RAPGEF4: variants seen among roughly 807,000 people sequenced by gnomAD.
RAPGEF4 encodes RAP guanine-nucleotide-exchange factor (GEF) 4.
Under a neutral mutation model 147.9 loss-of-function variants are expected in RAPGEF4, and 66 were observed. That is an observed-to-expected ratio of 0.45 (90% CI 0.37 to 0.55). The LOEUF (loss-of-function observed/expected upper bound fraction) is 0.55, where lower values mean the gene tolerates loss of function less well. RAPGEF4 is among the 20% of genes least tolerant of loss of function. The pLI is 0.00. For synonymous variants in RAPGEF4, 419 were observed against 442.7 expected (o/e 0.95, Z 0.67); for missense variants, 1,071 against 1,257.3 (o/e 0.85, Z 2.24).
At chr2:172,872,809 A>G (rs903898222) in intron 4 of RAPGEF4, among the ~76,000 whole-genome samples, 1 of 152,052 alleles carries the variant, frequency 6.6e-6, no homozygotes, top group Non-Finnish European at 1.5e-5. Context: ...TATTTTCTTC[A>G]TAAATTACCC....
chr2:172,853,161 T>C (rs12478288), intron 4 of RAPGEF4, among the ~76,000 whole-genome samples: 4 of 151,896 alleles, frequency 2.6e-5, no homozygotes, highest in Admixed American at 2.6e-4. Context: ...CATAAAATGG[T>C]TGGGGATTGT....
At chr2:172,948,174 G>A (rs1687869555) in intron 6 of RAPGEF4, among the ~76,000 whole-genome samples, 2 of 152,096 alleles carry the variant, frequency 1.3e-5, no homozygotes, top group Non-Finnish European at 2.9e-5. Flanking sequence ...GTTGGTGGTG[G>A]GCTATGGTGA....
chr2:172,805,731 G>A (rs1687429622), intron 3 of RAPGEF4, among the ~76,000 whole-genome samples: 1 of 152,068 alleles, frequency 6.6e-6, no homozygotes, highest in Admixed American at 6.5e-5. Context: ...TCTTGCCTGA[G>A]CCTAACCAGG....
intron 17 of RAPGEF4, among the ~76,000 whole-genome samples, chr2:173,012,285 G>A (rs3820841): frequency 0.057 from 8,628 of 152,130 alleles, 339 homozygotes; most frequent in East Asian, 0.1. Flanking sequence ...TCTAGGGAGC[G>A]AGCCCAGCCT....
At chr2:173,044,061 A>T (rs535510373) in intron 29 of RAPGEF4, among the ~76,000 whole-genome samples, 48 of 152,316 alleles carry the variant, frequency 3.2e-4, no homozygotes, top group African/African-American at 9.9e-4. Context: ...AGTGCTCTGT[A>T]GACCGAGCAG....
Position 172,909,175 on chromosome 2 carries a change from G to A in RAPGEF4, c.445-8627G>A, listed in dbSNP as rs900712444. ...CACAAGCCACCCACCTCTCGGAAGGGCCTTGTAGAAGCTTCTCTGGACATG... is the reference window on the plus strand; with the variant it reads ...CACAAGCCACCCACCTCTCGGAAGGACCTTGTAGAAGCTTCTCTGGACATG... On this transcript the variant is annotated intron_variant, in intron 4 of 30. Coordinates refer to ENST00000397081, the MANE Select transcript of RAPGEF4 (RefSeq NM_007023.4). 4.6e-5 allele frequency among the ~76,000 whole-genome samples: 7 copies of A among 152,248 alleles called. No individual in the cohort carries two copies. The South Asian group carries it at 1.4e-3, about 32-fold the overall frequency.
intron 6 of RAPGEF4, among the ~76,000 whole-genome samples, chr2:172,941,785 A>C (rs1458940203): frequency 6.6e-6 from 1 of 152,160 alleles, no homozygotes; most frequent in African/African-American, 2.4e-5. Context: ...AGTTACTTAA[A>C]CTAAGACTCA....
chr2:172,854,903 T>C (rs1181282978), intron 4 of RAPGEF4, among the ~76,000 whole-genome samples: 1 of 152,158 alleles, frequency 6.6e-6, no homozygotes, highest in Non-Finnish European at 1.5e-5. Flanking sequence ...GCAAGCCCGA[T>C]GGAGAGTATT....
At chr2:172,938,462 G>T (rs1320960612) in intron 6 of RAPGEF4, among the ~76,000 whole-genome samples, 1 of 152,090 alleles carries the variant, frequency 6.6e-6, no homozygotes, top group Non-Finnish European at 1.5e-5. Flanking sequence ...GTTTGCCTGG[G>T]CCCCCATGGG....
At chr2:172,852,303 G>T (rs1244477168) in intron 4 of RAPGEF4, among the ~76,000 whole-genome samples, 2 of 152,064 alleles carry the variant, frequency 1.3e-5, no homozygotes. Flanking sequence ...ATTCTTTCAG[G>T]TTATCTTCCT....
At chr2:173,037,420 C>T (rs1041659997) in intron 29 of RAPGEF4, among the ~76,000 whole-genome samples, 13 of 152,122 alleles carry the variant, frequency 8.5e-5, no homozygotes, top group African/African-American at 3.1e-4. Flanking sequence ...GTGGAACTGG[C>T]ACATATTCAG....
intron 1 of RAPGEF4, among the ~76,000 whole-genome samples, chr2:172,757,607 G>C (rs112225002): frequency 4.6e-5 from 7 of 152,286 alleles, no homozygotes; most frequent in African/African-American, 1.7e-4. Flanking sequence ...TATTGGAGCT[G>C]TATGTATAAT....
At chr2:172,833,693 G>A (rs549639985) in intron 4 of RAPGEF4, among the ~76,000 whole-genome samples, 11 of 152,206 alleles carry the variant, frequency 7.2e-5, no homozygotes, top group Admixed American at 1.3e-4. Flanking sequence ...TTTGCCATAC[G>A]CATTAAAATA....
At chr2:172,822,778 C>A (rs1233351075) in intron 4 of RAPGEF4, among the ~76,000 whole-genome samples, 4 of 152,208 alleles carry the variant, frequency 2.6e-5, no homozygotes, top group Non-Finnish European at 5.9e-5. Context: ...TGACACCTCA[C>A]CCCCACTCTC....
chr2:172,912,702 A>G (rs901244436), intron 4 of RAPGEF4, among the ~76,000 whole-genome samples: 15 of 152,300 alleles, frequency 9.8e-5, no homozygotes, highest in Admixed American at 3.3e-4. Flanking sequence ...GCACCTTAAA[A>G]TATACAGCTA....
intron 4 of RAPGEF4, among the ~76,000 whole-genome samples, chr2:172,878,509 T>A (rs1444589294): frequency 6.6e-6 from 1 of 152,116 alleles, no homozygotes; most frequent in African/African-American, 2.4e-5. Context: ...TTATTCCTGT[T>A]AAAAAAACAT....
intron 4 of RAPGEF4, among the ~76,000 whole-genome samples, chr2:172,829,218 G>T (rs992621381): frequency 6.6e-6 from 1 of 152,222 alleles, no homozygotes; most frequent in Non-Finnish European, 1.5e-5. Flanking sequence ...AGGCCTGCAG[G>T]TCTTTCTCAG....
At chr2:172,771,177 T>A (rs1210432353) in intron 1 of RAPGEF4, among the ~76,000 whole-genome samples, 1 of 152,056 alleles carries the variant, frequency 6.6e-6, no homozygotes, top group Non-Finnish European at 1.5e-5. Flanking sequence ...GGCTGGGAAG[T>A]CCAAGCTCAA....
At chr2:173,029,349 G>T (rs969992029) in intron 25 of RAPGEF4, among the ~76,000 whole-genome samples, 4 of 152,228 alleles carry the variant, frequency 2.6e-5, no homozygotes, top group Non-Finnish European at 4.4e-5. Context: ...GGATTTATGC[G>T]TATTGCAAAA....
Sources: gnomAD v4.1 joint callset for allele counts (sites outside exome capture counted in the v4.1 genomes callset) on GRCh38, gnomAD v4.1.1 for gene constraint, MANE v1.5 for transcripts, NCBI Gene and HGNC (gene_info 2026-07-23, HGNC 2026-07-21) for gene names.